The following KLC1 variants were observed in gnomAD, a reference collection of about 807,000 sequenced individuals.
KLC1 encodes the protein kinesin light chain 1.
In KLC1, 30 loss-of-function variants were observed where a neutral mutation model predicts 84.2. The observed-to-expected ratio is 0.36, with a 90% CI of 0.27 to 0.48. The LOEUF (loss-of-function observed/expected upper bound fraction) is 0.48, where lower values mean the gene tolerates loss of function less well. Ranked by LOEUF, KLC1 falls within the 20% of genes least tolerant of loss-of-function variation. The probability of loss-of-function intolerance (pLI) is 0.99; values close to 1 mark genes in which losing one functional copy is unlikely to be tolerated. For missense variants in KLC1, 499 were observed against 805.4 expected (o/e 0.62, Z 4.60); for synonymous variants, 289 against 293.3 (o/e 0.99, Z 0.15).
chr14:103,646,989 A>G (rs2077991376), intron 1 of KLC1, among the ~76,000 whole-genome samples: 2 of 152,016 alleles, frequency 1.3e-5, no homozygotes, highest in South Asian at 4.1e-4. Context: ...ACAAATTCAT[A>G]TTTATGTCTG....
At chr14:103,687,337 C>A in intron 14 of KLC1, 126 bp downstream of exon 14, 1 of 982,582 alleles carries the variant, frequency 1.0e-6, no homozygotes, top group Non-Finnish European at 1.4e-6. Flanking sequence ...CGTATTCTCA[C>A]AACCGAAGGG....
At chr14:103,660,380 C>T (rs1192679222) in intron 3 of KLC1, among the ~76,000 whole-genome samples, 1 of 151,622 alleles carries the variant, frequency 6.6e-6, no homozygotes, top group Non-Finnish European at 1.5e-5. Context: ...ACTCAGGAGG[C>T]TGAGGCAGGA....
intron 1 of KLC1, among the ~76,000 whole-genome samples, chr14:103,635,241 A>G (rs1450452828): frequency 2.0e-5 from 3 of 152,222 alleles, no homozygotes; most frequent in Non-Finnish European, 4.4e-5. Flanking sequence ...CTTCAGTTGC[A>G]TAACATAAAT....
chr14:103,664,393 C>T (rs1047452160), intron 5 of KLC1, among the ~76,000 whole-genome samples: 1 of 151,928 alleles, frequency 6.6e-6, no homozygotes, highest in Non-Finnish European at 1.5e-5. Context: ...CTCAAGTGAT[C>T]CTTCTGTCTC....
chr14:103,682,784 A>ATTTTT (rs34915836), intron 13 of KLC1: 3 of 133,438 alleles, frequency 2.2e-5, no homozygotes, highest in Admixed American at 7.8e-5. Context: ...ATGTATATGT[A>ATTTTT]TTTTTTTTTT....
At chr14:103,692,992 A>G (rs1347357125) in intron 15 of KLC1, among the ~76,000 whole-genome samples, 1 of 151,808 alleles carries the variant, frequency 6.6e-6, no homozygotes, top group Non-Finnish European at 1.5e-5. Flanking sequence ...GTTTTCATCC[A>G]CTCCGCCCTT....
intron 15 of KLC1, chr14:103,699,332 G>C (rs1281532453): frequency 6.4e-7 from 1 of 1,570,196 alleles, no homozygotes; most frequent in African/African-American, 1.4e-5. Flanking sequence ...AAAAATACGA[G>C]CTCAGGGGTG....
At chr14:103,666,403 A>G (rs2079832774) in intron 5 of KLC1, among the ~76,000 whole-genome samples, 1 of 151,342 alleles carries the variant, frequency 6.6e-6, no homozygotes, top group Non-Finnish European at 1.5e-5. Flanking sequence ...AACAAATCAC[A>G]GTGTGCTAGT....
intron 13 of KLC1, chr14:103,682,879 G>A (rs558415147): frequency 2.0e-5 from 3 of 150,288 alleles, no homozygotes; most frequent in East Asian, 3.9e-4. Context: ...GGGTTCCAGC[G>A]ATTCTCCTGC....
At chr14:103,700,314 C>A (rs2083057784) in intron 15 of KLC1, 2 of 271,914 alleles carry the variant, frequency 7.4e-6, no homozygotes, top group Non-Finnish European at 1.4e-5. Context: ...AGGGGAGGAC[C>A]CCCCCAGTGA....
At chr14:103,659,180 G>A (rs1289160041) in intron 3 of KLC1, among the ~76,000 whole-genome samples, 4 of 148,304 alleles carry the variant, frequency 2.7e-5, no homozygotes, top group Admixed American at 1.3e-4. Context: ...GTTTCACCAT[G>A]TTGGCCACTC....
chr14:103,679,374 T>C lies in KLC1; in HGVS notation c.1489-10T>C. On this transcript the variant is annotated splice_polypyrimidine_tract_variant and intron_variant, in intron 12 of 16. Coordinates refer to ENST00000334553, the MANE Select transcript of KLC1 (RefSeq NM_001394837.1). The stretch of plus-strand genomic sequence containing the variant: ...ATGGGTCAAACCATTTTCCCCTGCC[T>C]GGCTCACAGGGTCTTGACAATGTTC... 2 of 1,613,664 alleles carry C rather than the reference T, an allele frequency of 1.2e-6. No homozygotes were observed. Among genetic ancestry groups the C allele is most frequent in the Non-Finnish European group, 1.7e-6 (2 of 1,179,878 alleles).
intron 14 of KLC1, among the ~76,000 whole-genome samples, chr14:103,688,982 A>G (rs917703895): frequency 6.6e-6 from 1 of 152,296 alleles, no homozygotes; most frequent in Admixed American, 6.5e-5. Context: ...ATAGATTACT[A>G]TCTGCCTCTC....
Position 103,662,696 on chromosome 14 carries a change from G to T in KLC1, c.572-6G>T. On this transcript the variant is annotated splice_polypyrimidine_tract_variant and splice_region_variant and intron_variant, in intron 4 of 16. Transcript: ENST00000334553. Reference sequence around the variant, plus strand: ...AACCCATCTGAAGTGAACTTTCTCGGTGCAGTCCAGCAGCAGCACAGCAGT... The same window carrying T: ...AACCCATCTGAAGTGAACTTTCTCGTTGCAGTCCAGCAGCAGCACAGCAGT... The T allele has an allele frequency of 2.6e-6, 4 of 1,555,418 alleles. No homozygotes were observed. Among genetic ancestry groups the T allele is most frequent in the South Asian group, 2.3e-5 (2 of 85,486 alleles).
rs529823701 is a variant in KLC1, at chr14:103,693,783, C to G, written c.1848+1358C>G. The G allele has an allele frequency of 7.8e-6, 11 of 1,415,688 alleles. No individual in the cohort carries two copies. The highest frequency in any genetic ancestry group is 1.4e-5 in the African/African-American group (1 of 69,098). 87.7% of individuals were successfully genotyped at this position (1,415,688 alleles called of 1,614,324 possible). A position where few individuals can be genotyped will look rare whatever the true frequency, so the allele number is the denominator to read the frequency against. On this transcript the variant is annotated intron_variant, in intron 15 of 16. Coordinates refer to ENST00000334553, the MANE Select transcript of KLC1 (RefSeq NM_001394837.1). The surrounding 1 kb of genome is among the most constrained non-coding windows in gnomAD (Gnocchi z 5.1). ...TGCCTTTTCAAAACACCCGGGAGGC[C>G]GTGCCTCAGCATTCTGTTACTCGGC... is the stretch of plus-strand genomic sequence containing the variant.
At chr14:103,644,382 C>G (rs1338139156) in intron 1 of KLC1, among the ~76,000 whole-genome samples, 1 of 151,666 alleles carries the variant, frequency 6.6e-6, no homozygotes, top group East Asian at 2.0e-4. Context: ...CCTCAGCTTC[C>G]CGAGTAGCTG....
chr14:103,679,263 T>C, intron 12 of KLC1, 121 bp from the exon 13 acceptor site: 1 of 1,337,722 alleles, frequency 7.5e-7, no homozygotes. Flanking sequence ...TCTTCCAATG[T>C]TTTTCCCTCC....
chr14:103,658,428 G>GTTTTTT (rs536826342), intron 3 of KLC1, among the ~76,000 whole-genome samples: 1 of 91,232 alleles, frequency 1.1e-5, no homozygotes, highest in Non-Finnish European at 2.0e-5. Context: ...GCCCAGCTAA[G>GTTTTTT]TTTTTTTTTT....
chr14:103,650,037 C>G (rs745698774), intron 1 of KLC1, among the ~76,000 whole-genome samples: 2 of 152,000 alleles, frequency 1.3e-5, no homozygotes, highest in Non-Finnish European at 2.9e-5. Context: ...TTAGATTTAT[C>G]AGGTTTTACA....
Sources: gnomAD v4.1 joint callset for allele counts (sites outside exome capture counted in the v4.1 genomes callset) on GRCh38, gnomAD v4.1.1 for gene constraint, Gnocchi (gnomAD v3.1) non-coding constraint, MANE v1.5 for transcripts, NCBI Gene and HGNC (gene_info 2026-07-23, HGNC 2026-07-21) for gene names.